The following MAP1LC3C variants were observed in gnomAD, a reference collection of about 807,000 sequenced individuals.
MAP1LC3C encodes microtubule associated protein 1 light chain 3 gamma, also known as microtubule-associated protein 1 light chain 3 gamma.
Under a neutral mutation model 10.4 loss-of-function variants are expected in MAP1LC3C, and 12 were observed. That is an observed-to-expected ratio of 1.15 (90% CI 0.74 to 1.86). MAP1LC3C has a LOEUF of 1.86. Ranked by LOEUF, MAP1LC3C falls within the 40% of genes most tolerant of loss-of-function variation. The pLI is 0.00. For missense variants in MAP1LC3C, 177 were observed against 185.7 expected (o/e 0.95, Z 0.27); for synonymous variants, 70 against 69.0 (o/e 1.01, Z -0.07).
chr1:241,998,204 G>A (rs1174356793), intron 3 of MAP1LC3C, among the ~76,000 whole-genome samples: 1 of 151,650 alleles, frequency 6.6e-6, no homozygotes, highest in Non-Finnish European at 1.5e-5. Context: ...TGTATTTTTA[G>A]TAGAGACAGG....
upstream of MAP1LC3C, chr1:241,999,100 C>T: frequency 2.0e-6 from 3 of 1,504,086 alleles, no homozygotes; most frequent in Non-Finnish European, 2.6e-6. Context: ...TTCCAAACTG[C>T]CTGCAGGAGC....
chr1:242,000,321 A>G (rs1195649285), upstream of MAP1LC3C, among the ~76,000 whole-genome samples: 1 of 152,150 alleles, frequency 6.6e-6, no homozygotes, highest in Non-Finnish European at 1.5e-5. Flanking sequence ...GCTCACTGCA[A>G]TCTCTGCCTC....
At chr1:241,999,199 G>A, upstream of MAP1LC3C, 3 of 1,193,118 alleles carry the variant, frequency 2.5e-6, no homozygotes, top group Non-Finnish European at 3.3e-6. Flanking sequence ...GCAGCAGGAG[G>A]TCAGTTCTGA....
At position 241,995,910 on chromosome 1, in the gene MAP1LC3C, C is replaced by T. The variant is rs568622188; in HGVS notation, c.*253G>A. 60 of 350,178 alleles carry T rather than the reference C, an allele frequency of 1.7e-4. No homozygotes were observed. Among genetic ancestry groups the T allele is most frequent in the African/African-American group, 1.0e-3 (49 of 48,986 alleles). The allele number at this position is 350,178 out of a possible 1,614,324, so 21.7% of individuals were successfully genotyped here. ...CTCCAGCCTAGGCAATAGAGCAAGACCCTGTTTCAAAAAAAAAAAAATGAT... is the reference window on the plus strand; with the variant it reads ...CTCCAGCCTAGGCAATAGAGCAAGATCCTGTTTCAAAAAAAAAAAAATGAT... On this transcript the variant is annotated 3_prime_UTR_variant, in exon 4 of 4. Transcript: ENST00000357246.
In MAP1LC3C at chr1:241,996,314, C is replaced by T; in HGVS notation, c.293G>A (p.Ser98Asn). ...TCTGTAGATCTCTGCCATGGTTGCG[C>T]TCATGCTGACCAGGCTCTTGTTGTT... is the stretch of plus-strand genomic sequence containing the variant. ...LVNNKSLVSM[S>N]ATMAEIYRDY... is the part of the protein sequence containing the mutation. The change falls in exon 4 of 4, where the codon AGC becomes AAC. Residue 98 changes from serine to asparagine, a missense_variant. By Grantham distance (46) the Ser-to-Asn change is conservative (BLOSUM62 1). Coordinates refer to ENST00000357246, the MANE Select transcript of MAP1LC3C (RefSeq NM_001004343.3). 3 of 1,613,982 alleles carry T rather than the reference C, an allele frequency of 1.9e-6. No homozygotes were observed. The highest frequency in any genetic ancestry group is 2.5e-6 in the Non-Finnish European group (3 of 1,179,962).
rs58237405 is a variant in MAP1LC3C, at chr1:241,998,021, C to CTTTTTT, written c.221+487_221+492dup. 1.3e-4 allele frequency among the ~76,000 whole-genome samples: 12 copies of CTTTTTT among 95,418 alleles called. 1 individual carries two copies. The highest frequency in any genetic ancestry group is 3.3e-4 in the African/African-American group (8 of 23,994). 62.6% of individuals were successfully genotyped at this position (95,418 alleles called of 152,430 possible). A position where few individuals can be genotyped will look rare whatever the true frequency, so the allele number is the denominator to read the frequency against. On this transcript the variant is annotated intron_variant, in intron 3 of 3. Transcript: ENST00000357246. The stretch of plus-strand genomic sequence containing the variant: ...CTTACCTGTTTAAAATAGAGTAATT[C>CTTTTTT]TTTTTTTTTTTTTTTTTTTTTTGAG...
chr1:241,997,497 G>A lies in MAP1LC3C; in HGVS notation c.221+1017C>T, dbSNP rs115123748. 2.8e-3 allele frequency among the ~76,000 whole-genome samples: 433 copies of A among 152,208 alleles called. 7 individuals carry two copies. The highest frequency in any genetic ancestry group is 9.9e-3 in the African/African-American group (411 of 41,536). On this transcript the variant is annotated intron_variant, in intron 3 of 3. Transcript: ENST00000357246. ...TTCACACCACTGCACTCCAGCCTAG[G>A]CGACAGAGCTAAATAAAGCAAAATA... is the stretch of plus-strand genomic sequence containing the variant.
At chr1:242,000,383 C>T (rs981191188), upstream of MAP1LC3C, among the ~76,000 whole-genome samples, 3 of 152,184 alleles carry the variant, frequency 2.0e-5, no homozygotes, top group Non-Finnish European at 4.4e-5. Context: ...CACATGACAC[C>T]ATGCCTGGCT....
intron 1 of MAP1LC3C, 30 bp from the exon 2 acceptor site, chr1:241,998,861 G>A (rs1363112840): frequency 1.2e-6 from 2 of 1,613,896 alleles, no homozygotes; most frequent in Non-Finnish European, 8.5e-7. Context: ...AAGAGAAGAA[G>A]CAAAGATCAA....
rs1665077837 is a variant in MAP1LC3C, at chr1:241,996,118, A to G, written c.*45T>C. 7 of 1,555,398 alleles carry G rather than the reference A, an allele frequency of 4.5e-6. No individual in the cohort carries two copies. Among genetic ancestry groups the G allele is most frequent in the African/African-American group, 2.7e-5 (2 of 73,876 alleles). ...CAGGAGAAAACCAATCCCTTCTGCC[A>G]GCATCTGACACGTCTGTCAGAGCAC... On this transcript the variant is annotated 3_prime_UTR_variant, in exon 4 of 4. Coordinates refer to ENST00000357246, the MANE Select transcript of MAP1LC3C (RefSeq NM_001004343.3).
chr1:241,997,402 C>A (rs547607273), intron 3 of MAP1LC3C, among the ~76,000 whole-genome samples: 9 of 152,086 alleles, frequency 5.9e-5, no homozygotes, highest in Non-Finnish European at 1.3e-4. Flanking sequence ...TTCCTGTAGT[C>A]CCAGCTACTC....
Position 241,996,265 on chromosome 1 carries a change from G to A in MAP1LC3C, c.342C>T (p.Phe114=), listed in dbSNP as rs564021552. ...IYRDYKDEDG[F]VYMTYASQET... ...CCTGGGAGGCGTAGGTCATGTACACGAAGCCATCCTCATCCTTGTAGTCTC... is the reference window on the plus strand; with the variant it reads ...CCTGGGAGGCGTAGGTCATGTACACAAAGCCATCCTCATCCTTGTAGTCTC... The change falls in exon 4 of 4, where the codon TTC becomes TTT. Residue 114 remains phenylalanine (F), a synonymous_variant. Transcript: ENST00000357246. 2.8e-5 allele frequency: 45 copies of A among 1,614,040 alleles called. No individual in the cohort carries two copies. The highest frequency in any genetic ancestry group is 3.5e-5 in the Non-Finnish European group (41 of 1,180,050).
upstream of MAP1LC3C, among the ~76,000 whole-genome samples, chr1:241,999,439 A>G (rs571523932): frequency 7.9e-5 from 12 of 151,894 alleles, no homozygotes; most frequent in African/African-American, 1.5e-4. Flanking sequence ...TAGTTCTCAC[A>G]ATGGTCCATG....
At position 241,996,313 on chromosome 1, in the gene MAP1LC3C, G is replaced by A. The variant is rs200481799; in HGVS notation, c.294C>T (p.Ser98=). ...CTCTGTAGATCTCTGCCATGGTTGC[G>A]CTCATGCTGACCAGGCTCTTGTTGT... is the stretch of plus-strand genomic sequence containing the variant. ...LVNNKSLVSM[S]ATMAEIYRDY... Residue 98 remains serine (S), a synonymous_variant, in exon 4 of 4, where the codon AGC becomes AGT. Transcript: ENST00000357246. 75 of 1,613,860 alleles carry A rather than the reference G, an allele frequency of 4.6e-5. No individual in the cohort carries two copies. Among genetic ancestry groups the A allele is most frequent in the African/African-American group, 6.7e-5 (5 of 74,926 alleles).
upstream of MAP1LC3C, among the ~76,000 whole-genome samples, chr1:242,000,876 G>A (rs1341248885): frequency 1.3e-5 from 2 of 152,046 alleles, no homozygotes; most frequent in African/African-American, 2.4e-5. Flanking sequence ...CTGGAGGTGG[G>A]GCTAAAAATT....
In MAP1LC3C at chr1:241,998,602, G is replaced by A. The variant is rs1482203188; in HGVS notation, c.133C>T (p.Pro45Ser). The A allele has an allele frequency of 6.2e-7, 1 of 1,611,746 alleles. No homozygotes were observed. Among genetic ancestry groups the A allele is most frequent in the Non-Finnish European group, 8.5e-7 (1 of 1,179,134 alleles). The part of the protein sequence containing the change: ...NKIPVVVERY[P>S]RETFLPPLDK... ...AGCGGGGGCAGGAACGTCTCCCTGG[G>A]GTAGCGCTCCACTACCACCTGTCAA... is the stretch of plus-strand genomic sequence containing the variant. Residue 45 changes from proline (P) to serine (S), a missense_variant, in exon 3 of 4, where the codon CCC becomes TCC. By Grantham distance (74) the Pro-to-Ser change is moderately conservative. Transcript: ENST00000357246.
At position 241,995,894 on chromosome 1, in the gene MAP1LC3C, A is replaced by G. The variant is rs1021962228; in HGVS notation, c.*269T>C. On this transcript the variant is annotated 3_prime_UTR_variant, in exon 4 of 4. Transcript: ENST00000357246. ...AGATCATGCCACTGTGCTCCAGCCT[A>G]GGCAATAGAGCAAGACCCTGTTTCA... 1.4e-5 allele frequency: 4 copies of G among 283,678 alleles called. No individual in the cohort carries two copies. Among genetic ancestry groups the G allele is most frequent in the Middle Eastern group, 1.1e-3 (1 of 928 alleles). The allele number at this position is 283,678 out of a possible 1,614,324, so 17.6% of individuals were successfully genotyped here.
chr1:241,997,087 CG>C (rs1266609781), intron 3 of MAP1LC3C, among the ~76,000 whole-genome samples: 2 of 151,048 alleles, frequency 1.3e-5, no homozygotes, highest in Admixed American at 1.3e-4. Flanking sequence ...TTAGTAGAGA[CG>C]GGGTTTTGCC....
upstream of MAP1LC3C, among the ~76,000 whole-genome samples, chr1:242,000,841 T>G (rs1665182852): frequency 6.6e-6 from 1 of 152,162 alleles, no homozygotes; most frequent in Non-Finnish European, 1.5e-5. Context: ...AATTTAACTT[T>G]CAACCCCTCT....
Sources: allele counts gnomAD v4.1 joint callset (sites outside exome capture counted in the v4.1 genomes callset), GRCh38; gene constraint gnomAD v4.1.1; transcripts MANE v1.5; gene names NCBI Gene and HGNC (gene_info 2026-07-23, HGNC 2026-07-21).